Variants in CHN1 observed in about 807,000 individuals in gnomAD.
The protein encoded by CHN1 is chimerin 1.
A neutral mutation model predicts 59.5 loss-of-function variants in CHN1; 37 were observed. That is an observed-to-expected ratio of 0.62 (90% CI 0.48 to 0.82). The LOEUF is 0.82. Ranked by LOEUF, CHN1 falls within the 40% of genes least tolerant of loss-of-function variation. CHN1 has a pLI of 0.00. For synonymous variants in CHN1, 206 were observed against 200.4 expected, an observed-to-expected ratio of 1.03 and a Z score of -0.24; for missense variants, 469 against 571.0, an observed-to-expected ratio of 0.82 and a Z score of 1.82.
At chr2:174,879,403 G>GATACTAT (rs1001858362) in intron 5 of CHN1, among the ~76,000 whole-genome samples, 17 of 152,012 alleles carry the variant, frequency 1.1e-4, no homozygotes, top group African/African-American at 3.9e-4. Flanking sequence ...ATCCATGTTG[G>GATACTAT]CCCTTCTAAA....
At chr2:174,851,974 T>C (rs191963034) in intron 6 of CHN1, among the ~76,000 whole-genome samples, 8 of 151,750 alleles carry the variant, frequency 5.3e-5, no homozygotes, top group African/African-American at 1.9e-4. Context: ...ATGCTGAGAG[T>C]CAAATCAAGA....
At chr2:174,928,556 G>A (rs1214537100) in intron 3 of CHN1, among the ~76,000 whole-genome samples, 1 of 152,168 alleles carries the variant, frequency 6.6e-6, no homozygotes, top group Non-Finnish European at 1.5e-5. Flanking sequence ...TAGAAATTTT[G>A]AAATGTATGT....
chr2:174,811,088 T>C (rs1200373037), intron 10 of CHN1: 4 of 153,210 alleles, frequency 2.6e-5, no homozygotes, highest in African/African-American at 9.6e-5. Flanking sequence ...CGGGCTTGGG[T>C]CTCACTCAGC....
intron 11 of CHN1, among the ~76,000 whole-genome samples, chr2:174,804,281 G>C (rs937818882): frequency 6.6e-6 from 1 of 152,110 alleles, no homozygotes; most frequent in Admixed American, 6.6e-5. Context: ...GAAAAGTGGG[G>C]AGCCAATTGT....
At chr2:174,982,396 T>C (rs1269006365) in intron 1 of CHN1, among the ~76,000 whole-genome samples, 1 of 152,212 alleles carries the variant, frequency 6.6e-6, no homozygotes, top group Non-Finnish European at 1.5e-5. Flanking sequence ...GTGGTTGAAC[T>C]AGTTTACAGT....
chr2:174,859,238 A>C (rs1686997618), intron 6 of CHN1, among the ~76,000 whole-genome samples: 1 of 152,104 alleles, frequency 6.6e-6, no homozygotes, highest in African/African-American at 2.4e-5. Flanking sequence ...ATTTAATACA[A>C]AAATATTTTC....
intron 11 of CHN1, 37 bp downstream of exon 11, chr2:174,808,868 T>C (rs1684987048): frequency 1.2e-6 from 2 of 1,608,498 alleles, no homozygotes; most frequent in Non-Finnish European, 1.7e-6. Context: ...CAAGAGGACG[T>C]TGTCAGGTTA....
intron 6 of CHN1, among the ~76,000 whole-genome samples, chr2:174,848,357 G>A (rs377418467): frequency 2.4e-4 from 37 of 151,708 alleles, no homozygotes; most frequent in African/African-American, 8.4e-4. Flanking sequence ...GAAACGGGGT[G>A]GCTAGGTGAG....
chr2:174,864,403 C>G (rs189580989), intron 6 of CHN1, among the ~76,000 whole-genome samples: 1 of 152,070 alleles, frequency 6.6e-6, no homozygotes, highest in African/African-American at 2.4e-5. Flanking sequence ...CTGTTGAAGA[C>G]GTAAATGTAT....
intron 1 of CHN1, among the ~76,000 whole-genome samples, chr2:174,961,118 A>T (rs1385757955): frequency 2.6e-5 from 2 of 77,636 alleles, no homozygotes; most frequent in Admixed American, 3.8e-4. Flanking sequence ...ACACTGACGG[A>T]GGGAAGGAAG....
chr2:174,924,100 A>C (rs1051603246), intron 3 of CHN1, among the ~76,000 whole-genome samples: 2 of 152,244 alleles, frequency 1.3e-5, no homozygotes, highest in African/African-American at 4.8e-5. Context: ...GGCAATTTAG[A>C]AACATCAAAC....
intron 6 of CHN1, among the ~76,000 whole-genome samples, chr2:174,876,260 T>TG (rs1171595514): frequency 6.6e-6 from 1 of 152,252 alleles, no homozygotes; most frequent in Non-Finnish European, 1.5e-5. Flanking sequence ...CCCTTGGTGT[T>TG]GGAAAGCACG....
intron 5 of CHN1, among the ~76,000 whole-genome samples, chr2:174,887,882 A>G (rs373312972): frequency 1.1e-4 from 17 of 152,354 alleles, no homozygotes; most frequent in East Asian, 9.6e-4. Context: ...TCTACTAAAT[A>G]AGCCCAGTAT....
chr2:174,806,633 T>G (rs534551871), intron 11 of CHN1, among the ~76,000 whole-genome samples: 4 of 152,144 alleles, frequency 2.6e-5, no homozygotes, highest in Non-Finnish European at 4.4e-5. Flanking sequence ...CCGCCCCTAG[T>G]GAGCAATGTG....
chr2:174,939,675 CATGAAACAAA>C (rs1350748872), intron 3 of CHN1, among the ~76,000 whole-genome samples: 1 of 152,150 alleles, frequency 6.6e-6, no homozygotes. Flanking sequence ...GTGAACAGAA[CATGAAACAAA>C]ATGAAACATT....
Position 174,847,584 on chromosome 2 carries a change from G to A in CHN1, c.550-627C>T. ...CAGTTTCTAGCAACAGACACCCTAT[G>A]AAGCCCCTAGCAGGGAAGGTGGGGG... On this transcript the variant is annotated intron_variant, in intron 6 of 12. Transcript: ENST00000409900. The A allele has an allele frequency of 2.3e-6, 3 of 1,296,588 alleles. No homozygotes were observed. The East Asian group carries it at 1.2e-4, about 53-fold the overall frequency. The allele number at this position is 1,296,588 out of a possible 1,614,324, so 80.3% of individuals were successfully genotyped here. A position where few individuals can be genotyped will look rare whatever the true frequency, so the allele number is the denominator to read the frequency against.
intron 6 of CHN1, among the ~76,000 whole-genome samples, chr2:174,866,873 G>A (rs2646161): frequency 0.049 from 7,394 of 151,892 alleles, 579 homozygotes; most frequent in African/African-American, 0.17. Context: ...CAATTTGCAC[G>A]TTTTTAATTA....
intron 1 of CHN1, among the ~76,000 whole-genome samples, chr2:174,957,204 G>A (rs1315345623): frequency 1.3e-5 from 2 of 151,996 alleles, no homozygotes; most frequent in Non-Finnish European, 2.9e-5. Flanking sequence ...CGAGGCTTGG[G>A]GACCATTTTA....
intron 7 of CHN1, 96 bp from the exon 8 acceptor site, chr2:174,824,614 CTATA>C (rs149952097): frequency 2.0e-4 from 88 of 450,962 alleles, no homozygotes; most frequent in East Asian, 4.2e-4. Context: ...GCCACATATT[CTATA>C]TATATATATA....
Sources: gnomAD v4.1 joint callset for allele counts (sites outside exome capture counted in the v4.1 genomes callset) on GRCh38, gnomAD v4.1.1 for gene constraint, MANE v1.5 for transcripts, NCBI Gene and HGNC (gene_info 2026-07-23, HGNC 2026-07-21) for gene names.